The following RPE65 variants were observed in gnomAD, a reference collection of about 807,000 sequenced individuals.
RPE65 encodes the protein retinoid isomerohydrolase RPE65, also known as retinoid isomerohydrolase.
In RPE65, 58 loss-of-function variants were observed where a neutral mutation model predicts 68.5. The ratio of observed to expected loss-of-function variants is 0.85; its 90% CI spans 0.69 to 1.05. The LOEUF (loss-of-function observed/expected upper bound fraction) is 1.05, where lower values mean the gene tolerates loss of function less well. Among genes scored for constraint, RPE65 ranks in the 50% least tolerant of loss-of-function variants. RPE65 has a pLI of 0.00. For synonymous variants in RPE65, 220 were observed against 222.2 expected (o/e 0.99, Z 0.09); for missense variants, 643 against 629.9 (o/e 1.02, Z -0.22).
chr1:68,446,841 G>A lies in RPE65; in HGVS notation c.114C>T (p.Leu38=), dbSNP rs1645946324. The change falls in exon 3 of 14, where the codon CTC becomes CTT. Residue 38 remains leucine (L), a synonymous_variant. Coordinates refer to ENST00000262340, the MANE Select transcript of RPE65 (RefSeq NM_000329.3). ...AHVTGRIPLW[L]TGSLLRCGPG... ...GCCCACATCGAAGGAGACTGCCGGTGAGCCAGAGGGGGATCCTGCCTGTGA... is the reference window on the plus strand; with the variant it reads ...GCCCACATCGAAGGAGACTGCCGGTAAGCCAGAGGGGGATCCTGCCTGTGA... 1 of 1,613,586 alleles carries A rather than the reference G, an allele frequency of 6.2e-7. No individual in the cohort carries two copies. Among genetic ancestry groups the A allele is most frequent in the Non-Finnish European group, 8.5e-7 (1 of 1,180,054 alleles).
At chr1:68,449,609 C>T (rs1645967692) in intron 1 of RPE65, among the ~76,000 whole-genome samples, 1 of 152,118 alleles carries the variant, frequency 6.6e-6, no homozygotes, top group African/African-American at 2.4e-5. Flanking sequence ...CAAAGTCACA[C>T]ACTAGGAAAT....
intron 8 of RPE65, 26 bp downstream of exon 8, chr1:68,439,165 A>T (rs183057836): frequency 3.7e-6 from 6 of 1,613,984 alleles, no homozygotes; most frequent in Non-Finnish European, 5.1e-6. Context: ...AGAATCACAA[A>T]CTTGACAAAT....
chr1:68,441,106 G>A (rs1211352382), intron 5 of RPE65, 106 bp from the exon 6 acceptor site: 7 of 1,321,232 alleles, frequency 5.3e-6, no homozygotes, highest in Non-Finnish European at 7.4e-6. Context: ...CATCCTAAGT[G>A]CACTTCTCTT....
In RPE65 at chr1:68,439,549, C is replaced by A. The variant is rs1325023306; in HGVS notation, c.725+12G>T. ...AGTTTTCCTGAAGATTCATAGCAGG[C>A]CTTCAAGTTACCTATGAACGTAAGA... On this transcript the variant is annotated intron_variant, in intron 7 of 13. Transcript: ENST00000262340. 3.1e-6 allele frequency: 5 copies of A among 1,612,528 alleles called. No individual in the cohort carries two copies. In the African/African-American group the frequency reaches 4.0e-5, roughly 13 times the overall value.
In RPE65 at chr1:68,431,318, C is replaced by T. The variant is rs62636301; in HGVS notation, c.1302G>A (p.Ala434=). 2,542 of 1,613,908 alleles carry T rather than the reference C, an allele frequency of 1.6e-3. 29 individuals carry two copies. In the African/African-American group the frequency reaches 0.028, roughly 18 times the overall value. The part of the protein sequence containing the change: ...QKYCGKPYTY[A]YGLGLNHFVP... ...CAAAGTGATTCAAGCCAAGTCCATA[C>T]GCATATGTGTAAGGTTTCCCACAAT... Residue 434 remains alanine (A), a synonymous_variant, in exon 12 of 14, where the codon GCG becomes GCA. Transcript: ENST00000262340.
chr1:68,434,852 C>T (rs532414878), intron 10 of RPE65, among the ~76,000 whole-genome samples: 58 of 152,184 alleles, frequency 3.8e-4, no homozygotes, highest in African/African-American at 8.2e-4. Flanking sequence ...TAACTTTGAA[C>T]TCCTGGACTC....
chr1:68,443,219 T>C (rs1239012452), intron 5 of RPE65, among the ~76,000 whole-genome samples: 1 of 152,248 alleles, frequency 6.6e-6, no homozygotes, highest in African/African-American at 2.4e-5. Flanking sequence ...CCCTTGACAT[T>C]AACTACTCTA....
At chr1:68,434,915 A>G (rs1400546720) in intron 10 of RPE65, among the ~76,000 whole-genome samples, 1 of 151,602 alleles carries the variant, frequency 6.6e-6, no homozygotes, top group Non-Finnish European at 1.5e-5. Flanking sequence ...AGCCCTTTCT[A>G]TTTTTCTCTT....
chr1:68,439,452 T>G (rs1168597362), intron 7 of RPE65, 109 bp downstream of exon 7: 12 of 1,556,080 alleles, frequency 7.7e-6, no homozygotes, highest in African/African-American at 2.7e-5. Flanking sequence ...TATGTTTAAA[T>G]TTAGTTTTCT....
intron 3 of RPE65, among the ~76,000 whole-genome samples, chr1:68,446,222 C>T (rs1196083273): frequency 6.6e-6 from 1 of 152,036 alleles, no homozygotes; most frequent in East Asian, 1.9e-4. Context: ...CGACCCCTTT[C>T]CCAGTGGCCT....
Position 68,429,804 on chromosome 1 carries a change from G to T in RPE65, c.1574C>A (p.Thr525Asn), listed in dbSNP as rs879123797. ...AGATTTTTTGAACAGTCCATGAAAG[G>T]TGACAGGGATGTTAATCTCCACTTC... ...RAEVEINIPV[T>N]FHGLFKKS Residue 525 changes from threonine to asparagine, a missense_variant, in exon 14 of 14, where the codon ACC becomes AAC. Transcript: ENST00000262340. 6.2e-7 allele frequency: 1 copy of T among 1,613,714 alleles called. No homozygotes were observed. The highest frequency in any genetic ancestry group is 8.5e-7 in the Non-Finnish European group (1 of 1,179,754).
In RPE65 at chr1:68,429,722, C is replaced by T. The variant is rs946947774; in HGVS notation, c.*54G>A. 1 of 1,609,908 alleles carries T rather than the reference C, an allele frequency of 6.2e-7. No homozygotes were observed. The highest frequency in any genetic ancestry group is 1.3e-5 in the African/African-American group (1 of 74,784). ...AATTGAACAGAATTTGATTGCAGAC[C>T]TGAAGCTGATTTTCTCAGTTTTGCT... On this transcript the variant is annotated 3_prime_UTR_variant, in exon 14 of 14. Coordinates refer to ENST00000262340, the MANE Select transcript of RPE65 (RefSeq NM_000329.3).
At chr1:68,439,139 T>G (rs1254932441) in intron 8 of RPE65, 52 bp downstream of exon 8, 1 of 1,613,820 alleles carries the variant, frequency 6.2e-7, no homozygotes, top group Non-Finnish European at 8.5e-7. Flanking sequence ...TGTACATTAT[T>G]AAACACATCT....
At chr1:68,444,126 A>C (rs1645924515) in intron 5 of RPE65, among the ~76,000 whole-genome samples, 1 of 152,206 alleles carries the variant, frequency 6.6e-6, no homozygotes, top group South Asian at 2.1e-4. Flanking sequence ...CCTTGCATCT[A>C]GCATAAATTC....
chr1:68,429,795 C>A lies in RPE65; in HGVS notation c.1583G>T (p.Gly528Val), dbSNP rs1193631220. The A allele has an allele frequency of 6.2e-7, 1 of 1,613,632 alleles. No homozygotes were observed. The highest frequency in any genetic ancestry group is 8.5e-7 in the Non-Finnish European group (1 of 1,179,706). The change falls in exon 14 of 14, where the codon GGA becomes GTA. Residue 528 changes from glycine to valine, a missense_variant. Coordinates refer to ENST00000262340, the MANE Select transcript of RPE65 (RefSeq NM_000329.3). ...VEINIPVTFHGLFKKS is the reference protein window; with the variant it reads ...VEINIPVTFHVLFKKS ...GTATGCTCAAGATTTTTTGAACAGT[C>A]CATGAAAGGTGACAGGGATGTTAAT...
chr1:68,438,342 AG>A (rs1645875712), intron 9 of RPE65, 26 bp from the exon 10 acceptor site: 2 of 1,609,284 alleles, frequency 1.2e-6, no homozygotes, highest in Non-Finnish European at 8.5e-7. Context: ...GTCAAACATG[AG>A]CACAGGCAAT....
chr1:68,447,514 T>C (rs1645951016), intron 2 of RPE65, among the ~76,000 whole-genome samples: 1 of 152,066 alleles, frequency 6.6e-6, no homozygotes. Flanking sequence ...AAATGTGGGG[T>C]ACCCAAGATA....
chr1:68,439,656 G>A lies in RPE65; in HGVS notation c.644-14C>T. The A allele has an allele frequency of 1.9e-6, 3 of 1,610,704 alleles. No individual in the cohort carries two copies. Among genetic ancestry groups the A allele is most frequent in the Non-Finnish European group, 2.5e-6 (3 of 1,177,114 alleles). ...GATCTTCCTTGTCTGAAATAAAGTG[G>A]TTTTAAAAGGCTTTGGAAGAGCCTC... On this transcript the variant is annotated splice_polypyrimidine_tract_variant and intron_variant, in intron 6 of 13. Coordinates refer to ENST00000262340, the MANE Select transcript of RPE65 (RefSeq NM_000329.3).
intron 12 of RPE65, 23 bp from the exon 13 acceptor site, chr1:68,431,199 A>C (rs777035385): frequency 6.2e-7 from 1 of 1,611,276 alleles, no homozygotes; most frequent in Admixed American, 1.7e-5. Flanking sequence ...AAGAAAAATC[A>C]ATCAAGCAAT....
Sources: gnomAD v4.1 joint callset for allele counts (sites outside exome capture counted in the v4.1 genomes callset) on GRCh38, gnomAD v4.1.1 for gene constraint, MANE v1.5 for transcripts, NCBI Gene and HGNC (gene_info 2026-07-23, HGNC 2026-07-21) for gene names.